TMEM117: variants seen among roughly 807,000 people sequenced by gnomAD.
The protein encoded by TMEM117 is transmembrane protein 117.
TMEM117 carries 27 observed loss-of-function variants against 52.4 expected under a neutral mutation model. The ratio of observed to expected loss-of-function variants is 0.51; its 90% CI spans 0.38 to 0.71. The LOEUF (loss-of-function observed/expected upper bound fraction) is 0.71, where lower values mean the gene tolerates loss of function less well. Ranked by LOEUF, TMEM117 falls within the 30% of genes least tolerant of loss-of-function variation. The pLI is 0.00. For synonymous variants in TMEM117, 215 were observed against 206.3 expected (o/e 1.04, Z -0.36); for missense variants, 556 against 630.5 (o/e 0.88, Z 1.26).
chr12:43,899,490 A>G (rs553603657), intron 2 of TMEM117, among the ~76,000 whole-genome samples: 16 of 152,368 alleles, frequency 1.1e-4, no homozygotes, highest in African/African-American at 3.8e-4. Flanking sequence ...GCCTCCTATC[A>G]TGATCATTCT....
chr12:43,847,181 A>G (rs1462347704), intron 2 of TMEM117, among the ~76,000 whole-genome samples: 4 of 152,150 alleles, frequency 2.6e-5, no homozygotes, highest in Non-Finnish European at 5.9e-5. Flanking sequence ...AGTGGAGATA[A>G]AAAGATATAG....
rs1468445376 is a variant in TMEM117, at chr12:44,174,392, A to C, written c.510+30768A>C. On this transcript the variant is annotated intron_variant, in intron 4 of 7. Coordinates refer to ENST00000266534, the MANE Select transcript of TMEM117 (RefSeq NM_032256.3). ...GACACTGTGGCCCCAAAAGCCAAAAATATTTACTATCCAGTTATTTACAGA... is the reference window on the plus strand; with the variant it reads ...GACACTGTGGCCCCAAAAGCCAAAACTATTTACTATCCAGTTATTTACAGA... 2.0e-5 allele frequency among the ~76,000 whole-genome samples: 3 copies of C among 152,212 alleles called. No individual in the cohort carries two copies. In the East Asian group the frequency reaches 5.8e-4, roughly 29 times the overall value.
chr12:44,285,049 A>G (rs1339027449), intron 5 of TMEM117, among the ~76,000 whole-genome samples: 1 of 152,200 alleles, frequency 6.6e-6, no homozygotes, highest in Non-Finnish European at 1.5e-5. Context: ...ACATAGTTGC[A>G]GTGGCTGGGC....
intron 5 of TMEM117, among the ~76,000 whole-genome samples, chr12:44,256,392 A>T (rs1374965626): frequency 9.9e-5 from 15 of 152,032 alleles, no homozygotes; most frequent in Non-Finnish European, 2.2e-4. Context: ...CCTTTTAAAT[A>T]TGAAGGAAGG....
At chr12:43,945,627 C>G (rs1206177691) in intron 3 of TMEM117, among the ~76,000 whole-genome samples, 1 of 152,128 alleles carries the variant, frequency 6.6e-6, no homozygotes, top group Non-Finnish European at 1.5e-5. Context: ...CTGGCCTGCT[C>G]TCAGTAAGTT....
In TMEM117 at chr12:43,893,670, T is replaced by C. The variant is rs562796153; in HGVS notation, c.277+48742T>C. Among the ~76,000 whole-genome samples the C allele has an allele frequency of 1.6e-3, 237 of 152,328 alleles. 1 individual carries two copies. Among genetic ancestry groups the C allele is most frequent in the African/African-American group, 5.6e-3 (233 of 41,578 alleles). On this transcript the variant is annotated intron_variant, in intron 2 of 7. Coordinates refer to ENST00000266534, the MANE Select transcript of TMEM117 (RefSeq NM_032256.3). ...GTTACCTGTTCTTCAAAACCACCTTTTCATGAACCTTTCCCTATTCTCTAC... is the reference window on the plus strand; with the variant it reads ...GTTACCTGTTCTTCAAAACCACCTTCTCATGAACCTTTCCCTATTCTCTAC...
At chr12:43,956,146 A>G (rs1237259854) in intron 3 of TMEM117, among the ~76,000 whole-genome samples, 1 of 152,186 alleles carries the variant, frequency 6.6e-6, no homozygotes, top group Non-Finnish European at 1.5e-5. Context: ...TTATCTCAAG[A>G]TGGATTAAAG....
At chr12:44,115,415 A>G (rs768168982) in intron 3 of TMEM117, among the ~76,000 whole-genome samples, 1 of 152,184 alleles carries the variant, frequency 6.6e-6, no homozygotes, top group Non-Finnish European at 1.5e-5. Context: ...TATGTACCAA[A>G]CCTGCACGTT....
chr12:44,216,009 T>TTTCTTTC (rs1565602194), intron 5 of TMEM117, among the ~76,000 whole-genome samples: 1 of 130,070 alleles, frequency 7.7e-6, no homozygotes, highest in African/African-American at 2.8e-5. Context: ...TTCTTTCTTT[T>TTTCTTTC]TTTTTTTTTT....
At chr12:43,984,742 A>C (rs1317575163) in intron 3 of TMEM117, among the ~76,000 whole-genome samples, 1 of 152,202 alleles carries the variant, frequency 6.6e-6, no homozygotes, top group Non-Finnish European at 1.5e-5. Flanking sequence ...TTTAGTCCAA[A>C]GAGGTAAAGG....
At chr12:44,297,672 C>T (rs1464935817) in intron 5 of TMEM117, among the ~76,000 whole-genome samples, 2 of 152,188 alleles carry the variant, frequency 1.3e-5, no homozygotes, top group Admixed American at 6.5e-5. Context: ...GAATAATAAT[C>T]AATATTTATT....
chr12:43,872,731 A>G (rs1356264944), intron 2 of TMEM117, among the ~76,000 whole-genome samples: 8 of 152,314 alleles, frequency 5.3e-5, no homozygotes, highest in Admixed American at 2.6e-4. Flanking sequence ...TTCCCACTCT[A>G]CCATCAAGTA....
chr12:44,014,262 A>T (rs1302167889), intron 3 of TMEM117, among the ~76,000 whole-genome samples: 1 of 152,116 alleles, frequency 6.6e-6, no homozygotes, highest in Non-Finnish European at 1.5e-5. Context: ...GAATCATTTT[A>T]TCTTTGTCAC....
At chr12:44,173,193 G>A (rs1281470146) in intron 4 of TMEM117, among the ~76,000 whole-genome samples, 1 of 152,012 alleles carries the variant, frequency 6.6e-6, no homozygotes. Context: ...CTCCCACCTC[G>A]CCCTCCCACG....
chr12:44,047,121 ATG>A (rs201734273), intron 3 of TMEM117, among the ~76,000 whole-genome samples: 1 of 150,428 alleles, frequency 6.6e-6, no homozygotes, highest in Admixed American at 6.6e-5. Context: ...TAGTGTATAT[ATG>A]TGTGTGTGTG....
chr12:43,797,802 T>A, the TMEM117 span: 1 of 1,613,502 alleles, frequency 6.2e-7, no homozygotes, highest in Non-Finnish European at 8.5e-7. Flanking sequence ...TAGTGTTTGA[T>A]GCTTAGTGTC....
At chr12:44,201,749 A>G (rs1019858270) in intron 4 of TMEM117, among the ~76,000 whole-genome samples, 1 of 152,160 alleles carries the variant, frequency 6.6e-6, no homozygotes, top group Admixed American at 6.6e-5. Flanking sequence ...AGTGTTTTGA[A>G]AATAAGCAAT....
intron 4 of TMEM117, among the ~76,000 whole-genome samples, chr12:44,193,357 A>G (rs1403411006): frequency 5.3e-5 from 8 of 152,216 alleles, no homozygotes; most frequent in Non-Finnish European, 1.2e-4. Context: ...TTTCAAAACC[A>G]TGGTCTTTTG....
chr12:44,299,243 G>A (rs1170232015), intron 5 of TMEM117, among the ~76,000 whole-genome samples: 1 of 151,014 alleles, frequency 6.6e-6, no homozygotes, highest in Non-Finnish European at 1.5e-5. Context: ...TGATTCTCCA[G>A]CCTCAGCCTC....
Sources: gnomAD v4.1 joint callset for allele counts (sites outside exome capture counted in the v4.1 genomes callset) on GRCh38, gnomAD v4.1.1 for gene constraint, MANE v1.5 for transcripts, NCBI Gene and HGNC (gene_info 2026-07-23, HGNC 2026-07-21) for gene names.